Variants in CHM observed in about 807,000 individuals in gnomAD.
CHM encodes the protein CHM Rab escort protein.
CHM carries 10 observed loss-of-function variants against 49.0 expected under a neutral mutation model. The ratio of observed to expected loss-of-function variants is 0.20; its 90% CI spans 0.13 to 0.35. The LOEUF is 0.35. Among genes scored for constraint, CHM ranks in the 10% least tolerant of loss-of-function variants. The pLI is 1.00. For missense variants in CHM, 455 were observed against 478.4 expected (o/e 0.95, Z 0.46); for synonymous variants, 184 against 167.5 (o/e 1.10, Z -0.76).
chrX:86,012,833 C>A (rs979004039), intron 2 of CHM, among the ~76,000 whole-genome samples: 1 of 110,504 alleles, frequency 9.0e-6, no homozygotes, highest in African/African-American at 3.3e-5. Flanking sequence ...AGTGGCAGGT[C>A]TACAGTGAAA....
rs1923382406 is a variant in CHM, at chrX:85,862,066, T to C, written c.*2564A>G. ...AAATATATAAAGTTCTTAAAGTCTT[T>C]TATCAGTTGTATGATATTTTAATCA... On this transcript the variant is annotated 3_prime_UTR_variant, in exon 15 of 15. Coordinates refer to ENST00000357749, the MANE Select transcript of CHM (RefSeq NM_000390.4). 1 of 112,309 alleles carries C rather than the reference T, an allele frequency of 8.9e-6. No homozygotes were observed. The allele number at this position is 112,309 out of a possible 1,213,427, so 9.3% of individuals were successfully genotyped here. A position where few individuals can be genotyped will look rare whatever the true frequency, so the allele number is the denominator to read the frequency against.
rs1404831480 is a variant in CHM, at chrX:85,861,496, T to C, written c.*3134A>G. 1.8e-5 allele frequency: 2 copies of C among 111,729 alleles called. No individual in the cohort carries two copies. Among genetic ancestry groups the C allele is most frequent in the Non-Finnish European group, 3.8e-5 (2 of 53,121 alleles). The allele number at this position is 111,729 out of a possible 1,213,427, so 9.2% of individuals were successfully genotyped here. ...AGTCAATCATTAATACTGCCATTATTTTAGACAAAGGGCTGACAATCTCAG... is the reference window on the plus strand; with the variant it reads ...AGTCAATCATTAATACTGCCATTATCTTAGACAAAGGGCTGACAATCTCAG... On this transcript the variant is annotated 3_prime_UTR_variant, in exon 15 of 15. Coordinates refer to ENST00000357749, the MANE Select transcript of CHM (RefSeq NM_000390.4).
chrX:86,010,207 T>TG (rs1187243570), intron 2 of CHM, among the ~76,000 whole-genome samples: 10 of 7,045 alleles, frequency 1.4e-3, no homozygotes, highest in Non-Finnish European at 2.2e-3. Context: ...GGTAGGGGGG[T>TG]GGGGGGGGCT....
At chrX:85,962,679 G>A (rs147239352) in intron 5 of CHM, among the ~76,000 whole-genome samples, 1,348 of 111,426 alleles carry the variant, frequency 0.012, 16 homozygotes, top group Admixed American at 0.046. Flanking sequence ...CTTATTGTTA[G>A]CTCTCAACTT....
chrX:85,977,961 G>T (rs960232980), intron 4 of CHM, among the ~76,000 whole-genome samples: 29 of 111,981 alleles, frequency 2.6e-4, no homozygotes, highest in African/African-American at 9.1e-4. Context: ...TGATATGTAA[G>T]ATGACAAAGC....
rs189610997 is a variant in CHM, at chrX:85,896,268, G to A, written c.1414-1984C>T. ...TGAAGGATATGTAGAAGGCAGATTT[G>A]AAGTAGACAAGATGAGAGGCAGGGT... On this transcript the variant is annotated intron_variant, in intron 11 of 14. Coordinates refer to ENST00000357749, the MANE Select transcript of CHM (RefSeq NM_000390.4). Among the ~76,000 whole-genome samples the A allele has an allele frequency of 9.0e-5, 10 of 111,462 alleles. No individual in the cohort carries two copies. In the East Asian group the frequency reaches 2.8e-3, roughly 32 times the overall value.
At chrX:85,919,780 T>C (rs34872643) in intron 8 of CHM, among the ~76,000 whole-genome samples, 199 of 111,829 alleles carry the variant, frequency 1.8e-3, no homozygotes, top group Non-Finnish European at 2.8e-3. Context: ...GCACATACAT[T>C]TTTCATATTG....
intron 8 of CHM, among the ~76,000 whole-genome samples, chrX:85,918,881 A>G (rs1927615670): frequency 8.9e-6 from 1 of 112,007 alleles, no homozygotes; most frequent in African/African-American, 3.2e-5. Flanking sequence ...TCATAAAACA[A>G]GTTCTTAGTG....
chrX:85,966,464 T>C (rs146394788), intron 4 of CHM, among the ~76,000 whole-genome samples: 1,699 of 111,063 alleles, frequency 0.015, 33 homozygotes, highest in African/African-American at 0.052. Flanking sequence ...CAAAAGCCCA[T>C]TGGCCATATA....
intron 9 of CHM, chrX:85,903,783 A>T (rs1325521058): frequency 6.0e-6 from 2 of 335,427 alleles, no homozygotes; most frequent in Non-Finnish European, 1.2e-5. Context: ...TAGGTGGAGA[A>T]AAATCAAGGG....
At chrX:85,987,288 C>G (rs897879801) in intron 2 of CHM, among the ~76,000 whole-genome samples, 2 of 111,681 alleles carry the variant, frequency 1.8e-5, no homozygotes, top group Non-Finnish European at 3.8e-5. Context: ...GAGAGGCCAA[C>G]AGTCAAATAC....
At chrX:85,888,017 A>C (rs764778610) in intron 12 of CHM, among the ~76,000 whole-genome samples, 10 of 112,488 alleles carry the variant, frequency 8.9e-5, no homozygotes, top group Non-Finnish European at 1.7e-4. Context: ...TTTCCTGAGG[A>C]GAAATTCAAG....
chrX:86,006,229 ACT>A (rs1932850366), intron 2 of CHM, among the ~76,000 whole-genome samples: 1 of 111,107 alleles, frequency 9.0e-6, no homozygotes, highest in Non-Finnish European at 1.9e-5. Flanking sequence ...CATGCTAAAA[ACT>A]CTCAATAAAC....
intron 11 of CHM, among the ~76,000 whole-genome samples, chrX:85,899,987 A>G (rs1416542514): frequency 1.8e-5 from 2 of 110,517 alleles, no homozygotes; most frequent in African/African-American, 3.3e-5. Flanking sequence ...CTATACAAAC[A>G]TTACGGAAAA....
At chrX:85,921,362 C>A (rs916127846) in intron 8 of CHM, among the ~76,000 whole-genome samples, 16 of 111,535 alleles carry the variant, frequency 1.4e-4, no homozygotes, top group African/African-American at 5.2e-4. Flanking sequence ...TTTACAGAAG[C>A]CATCCTAAGG....
intron 12 of CHM, among the ~76,000 whole-genome samples, chrX:85,887,035 T>C (rs1464484339): frequency 2.8e-5 from 3 of 107,283 alleles, no homozygotes; most frequent in African/African-American, 3.4e-5. Context: ...GTATAAATAA[T>C]AAATTGAAAC....
chrX:86,009,336 T>C (rs1478930824), intron 2 of CHM, among the ~76,000 whole-genome samples: 1 of 112,365 alleles, frequency 8.9e-6, no homozygotes, highest in African/African-American at 3.2e-5. Context: ...CCACCAGTCA[T>C]ATACTATTAT....
At chrX:86,004,258 A>G (rs1016702380) in intron 2 of CHM, among the ~76,000 whole-genome samples, 27 of 112,009 alleles carry the variant, frequency 2.4e-4, no homozygotes, top group African/African-American at 8.8e-4. Context: ...AGCTCCTGAA[A>G]GAAGCACTAA....
intron 14 of CHM, among the ~76,000 whole-genome samples, chrX:85,866,940 T>C (rs1173957051): frequency 6.2e-5 from 7 of 112,736 alleles, no homozygotes; most frequent in African/African-American, 2.3e-4. Context: ...TACAGGTTCA[T>C]AGGCAGAAGG....
Sources: allele counts gnomAD v4.1 joint callset (sites outside exome capture counted in the v4.1 genomes callset), GRCh38; gene constraint gnomAD v4.1.1; transcripts MANE v1.5; gene names NCBI Gene and HGNC (gene_info 2026-07-23, HGNC 2026-07-21).